The following TTLL5 variants were observed in gnomAD, a reference collection of about 807,000 sequenced individuals.
TTLL5 encodes the protein tubulin tyrosine ligase like 5.
In TTLL5, 132 loss-of-function variants were observed where a neutral mutation model predicts 168.4. The observed-to-expected ratio is 0.78, with a 90% confidence interval of 0.68 to 0.91. The LOEUF (loss-of-function observed/expected upper bound fraction) is 0.91, where lower values mean the gene tolerates loss of function less well. TTLL5 is among the 40% of genes least tolerant of loss of function. The probability of loss-of-function intolerance (pLI) is 0.00; values close to 1 mark genes in which losing one functional copy is unlikely to be tolerated. For missense variants in TTLL5, 1,545 were observed against 1,581.5 expected (o/e 0.98, Z 0.39); for synonymous variants, 546 against 558.6 (o/e 0.98, Z 0.32).
chr14:75,891,529 G>A (rs982797780), intron 30 of TTLL5, among the ~76,000 whole-genome samples: 1 of 152,102 alleles, frequency 6.6e-6, no homozygotes, highest in Non-Finnish European at 1.5e-5. Flanking sequence ...CTGCTTGCAT[G>A]GTTTGTTTTT....
At chr14:75,750,851 C>G (rs1442294745) in intron 17 of TTLL5, among the ~76,000 whole-genome samples, 1 of 152,116 alleles carries the variant, frequency 6.6e-6, no homozygotes, top group Non-Finnish European at 1.5e-5. Flanking sequence ...TTCTGTAATA[C>G]AAGTTATGTG....
At chr14:75,893,979 TC>T (rs2032534136) in intron 30 of TTLL5, among the ~76,000 whole-genome samples, 1 of 151,972 alleles carries the variant, frequency 6.6e-6, no homozygotes, top group Non-Finnish European at 1.5e-5. Context: ...ATACAACAAA[TC>T]CGTAAAATGT....
chr14:75,925,762 T>C (rs2034030381), intron 31 of TTLL5, among the ~76,000 whole-genome samples: 1 of 151,944 alleles, frequency 6.6e-6, no homozygotes, highest in African/African-American at 2.4e-5. Context: ...CTGGGCACCA[T>C]TGAGCACTGA....
At chr14:75,691,359 A>T (rs1394738756) in intron 6 of TTLL5, among the ~76,000 whole-genome samples, 1 of 152,238 alleles carries the variant, frequency 6.6e-6, no homozygotes, top group Non-Finnish European at 1.5e-5. Flanking sequence ...CAGAAGAGAC[A>T]TGAGTACAGA....
At position 75,783,455 on chromosome 14, in the gene TTLL5, G is replaced by A. The variant is rs1419256020; in HGVS notation, c.2911G>A (p.Gly971Ser). The A allele has an allele frequency of 6.2e-7, 1 of 1,614,108 alleles. No homozygotes were observed. The highest frequency in any genetic ancestry group is 8.5e-7 in the Non-Finnish European group (1 of 1,180,012). Residue 971 changes from glycine (G) to serine (S), a missense_variant, in exon 26 of 32, where the codon GGT becomes AGT. Transcript: ENST00000298832. Reference sequence around the variant, plus strand: ...CTGTCGATCAGGAAGTCACACCATTGGTCCCTTTTCTTCCTTCCAAAGTGC... The same window carrying A: ...CTGTCGATCAGGAAGTCACACCATTAGTCCCTTTTCTTCCTTCCAAAGTGC... ...PRCRSGSHTIGPFSSFQSAAH... is the reference protein window; with the variant it reads ...PRCRSGSHTISPFSSFQSAAH...
At position 75,938,271 on chromosome 14, in the gene TTLL5, A is replaced by G. The variant is rs192850226; in HGVS notation, c.3824-16153A>G. On this transcript the variant is annotated intron_variant, in intron 31 of 31. Coordinates refer to ENST00000298832, the MANE Select transcript of TTLL5 (RefSeq NM_015072.5). ...TCGGAGCCAGAGGTAGAATTGAGCA[A>G]TCATCTGTATGGAGATACTTGTTAA... 3.9e-5 allele frequency among the ~76,000 whole-genome samples: 6 copies of G among 152,330 alleles called. No individual in the cohort carries two copies. The East Asian group carries it at 1.2e-3, about 29-fold the overall frequency.
At chr14:75,886,847 C>T in intron 30 of TTLL5, 2 of 1,523,714 alleles carry the variant, frequency 1.3e-6, no homozygotes, top group Non-Finnish European at 1.7e-6. Flanking sequence ...TCATACTCTC[C>T]AGGAAATATG....
At chr14:75,947,695 A>T (rs1311542251) in intron 31 of TTLL5, among the ~76,000 whole-genome samples, 1 of 152,176 alleles carries the variant, frequency 6.6e-6, no homozygotes, top group Non-Finnish European at 1.5e-5. Context: ...CCATAAACCC[A>T]GCACTTTGGG....
chr14:75,792,912 G>T lies in TTLL5; in HGVS notation c.2987-4G>T, dbSNP rs1051974404. The stretch of plus-strand genomic sequence containing the variant: ...TGAGTGAAAACTTTTCTCCGTTTTA[G>T]CAGGATCGTGCTATCTAAACAAGCA... On this transcript the variant is annotated splice_polypyrimidine_tract_variant and splice_region_variant and intron_variant, in intron 26 of 31. Coordinates refer to ENST00000298832, the MANE Select transcript of TTLL5 (RefSeq NM_015072.5). 3 of 1,562,804 alleles carry T rather than the reference G, an allele frequency of 1.9e-6. No homozygotes were observed. Among genetic ancestry groups the T allele is most frequent in the Middle Eastern group, 1.7e-4 (1 of 5,830 alleles).
intron 12 of TTLL5, among the ~76,000 whole-genome samples, chr14:75,726,070 G>A (rs1036564008): frequency 3.9e-5 from 6 of 152,162 alleles, no homozygotes; most frequent in African/African-American, 1.4e-4. Context: ...ATTGCCTCAG[G>A]GACCACAGCT....
intron 26 of TTLL5, among the ~76,000 whole-genome samples, chr14:75,788,125 A>T (rs1595042265): frequency 6.6e-6 from 1 of 152,226 alleles, no homozygotes; most frequent in East Asian, 1.9e-4. Context: ...ATCTCTAAAA[A>T]TAAATAAATA....
chr14:75,775,517 A>C lies in TTLL5; in HGVS notation c.2170A>C (p.Asn724His), dbSNP rs1891667024. 6.2e-7 allele frequency: 1 copy of C among 1,613,934 alleles called. No individual in the cohort carries two copies. Among genetic ancestry groups the C allele is most frequent in the Non-Finnish European group, 8.5e-7 (1 of 1,179,984 alleles). The change falls in exon 22 of 32, where the codon AAT (asparagine) becomes CAT (histidine). Residue 724 changes from asparagine (N) to histidine (H), a missense_variant. Physicochemically the swap from Asn to His is moderately conservative, Grantham distance 68. Coordinates refer to ENST00000298832, the MANE Select transcript of TTLL5 (RefSeq NM_015072.5). Reference sequence around the variant, plus strand: ...TGTTCGTTTCCTCAAGCGAGCATCAAATAACCTCCAGCATTCACTGAGGAT... The same window carrying C: ...TGTTCGTTTCCTCAAGCGAGCATCACATAACCTCCAGCATTCACTGAGGAT... ...LVVRFLKRAS[N>H]NLQHSLRMVL...
intron 11 of TTLL5, 135 bp from the exon 12 acceptor site, chr14:75,720,461 C>T (rs1357126695): frequency 4.5e-6 from 3 of 664,106 alleles, no homozygotes; most frequent in Non-Finnish European, 7.9e-6. Context: ...CTATAGCACC[C>T]ATTCAGAAGT....
At chr14:75,669,655 C>T in intron 3 of TTLL5, 133 bp downstream of exon 3, 1 of 550,542 alleles carries the variant, frequency 1.8e-6, no homozygotes, top group Non-Finnish European at 2.9e-6. Flanking sequence ...TGTTATACTT[C>T]AAACATTATA....
intron 3 of TTLL5, among the ~76,000 whole-genome samples, chr14:75,675,023 A>G (rs925447604): frequency 6.6e-6 from 1 of 152,140 alleles, no homozygotes; most frequent in Non-Finnish European, 1.5e-5. Flanking sequence ...TAGATTTTAT[A>G]ACTTTTATAG....
Position 75,811,631 on chromosome 14 carries a change from G to A in TTLL5, c.3172-8376G>A, listed in dbSNP as rs115806416. On this transcript the variant is annotated intron_variant, in intron 27 of 31. Transcript: ENST00000298832. ...GGGCCACGTTTTTATCTGCACATGC[G>A]TTAGCGCTTTCCTCAAGGCTTTACC... 2.2e-3 allele frequency among the ~76,000 whole-genome samples: 336 copies of A among 152,254 alleles called. 1 individual carries two copies. Among genetic ancestry groups the A allele is most frequent in the African/African-American group, 7.8e-3 (324 of 41,546 alleles).
chr14:75,885,441 G>A (rs888712024), intron 30 of TTLL5, among the ~76,000 whole-genome samples: 4 of 152,204 alleles, frequency 2.6e-5, no homozygotes, highest in Admixed American at 6.5e-5. Flanking sequence ...GCAGTGAGCC[G>A]AGATCGTACC....
chr14:75,940,471 T>C (rs2034566695), intron 31 of TTLL5, among the ~76,000 whole-genome samples: 1 of 152,354 alleles, frequency 6.6e-6, no homozygotes, highest in East Asian at 1.9e-4. Context: ...ATCTAGGTTT[T>C]ACATGTTTAT....
At chr14:75,895,291 A>C (rs752862529) in intron 30 of TTLL5, among the ~76,000 whole-genome samples, 1 of 152,214 alleles carries the variant, frequency 6.6e-6, no homozygotes, top group Non-Finnish European at 1.5e-5. Context: ...CTGAGCCCTG[A>C]AATTCATTTT....
Sources: gnomAD v4.1 joint callset for allele counts (sites outside exome capture counted in the v4.1 genomes callset) on GRCh38, gnomAD v4.1.1 for gene constraint, MANE v1.5 for transcripts, NCBI Gene and HGNC (gene_info 2026-07-23, HGNC 2026-07-21) for gene names.